GPC3: variants seen among roughly 807,000 people sequenced by gnomAD.
The protein encoded by GPC3 is glypican-3.
GPC3 carries 3 observed loss-of-function variants against 34.4 expected under a neutral mutation model. The observed-to-expected ratio is 0.09, with a 90% CI of 0.04 to 0.23. The LOEUF is 0.23. Among genes scored for constraint, GPC3 ranks in the 10% least tolerant of loss-of-function variants. The pLI is 1.00. For synonymous variants in GPC3, 177 were observed against 174.0 expected, an observed-to-expected ratio of 1.02 and a Z score of -0.13; for missense variants, 351 against 445.6, an observed-to-expected ratio of 0.79 and a Z score of 1.91.
intron 7 of GPC3, among the ~76,000 whole-genome samples, chrX:133,581,446 T>G (rs778515948): frequency 8.9e-6 from 1 of 112,133 alleles, no homozygotes; most frequent in African/African-American, 3.2e-5. Flanking sequence ...ATATATTGTC[T>G]TACCCAGTGG....
At chrX:133,855,528 A>AATATATATATATATAT (rs1965199507) in intron 2 of GPC3, among the ~76,000 whole-genome samples, 2 of 67,585 alleles carry the variant, frequency 3.0e-5, no homozygotes, top group African/African-American at 8.7e-5. Context: ...ATGCTGTTAC[A>AATATATATATATATAT]AGATATATAT....
intron 5 of GPC3, among the ~76,000 whole-genome samples, chrX:133,683,974 TAAAA>T (rs2070971093): frequency 8.9e-6 from 1 of 112,110 alleles, no homozygotes; most frequent in Admixed American, 9.5e-5. Context: ...TACCAGGATT[TAAAA>T]AAATTCTTAG....
chrX:133,878,442 A>G (rs2076027000), intron 2 of GPC3, among the ~76,000 whole-genome samples: 1 of 111,545 alleles, frequency 9.0e-6, no homozygotes, highest in Non-Finnish European at 1.9e-5. Flanking sequence ...AAAAAAAATC[A>G]TATTATCTTT....
At chrX:133,933,756 C>T (rs767533394) in intron 2 of GPC3, among the ~76,000 whole-genome samples, 1 of 110,810 alleles carries the variant, frequency 9.0e-6, no homozygotes, top group African/African-American at 3.3e-5. Flanking sequence ...GCTTCACCTT[C>T]CACCATGAGT....
At chrX:133,819,398 A>G (rs1171634272) in intron 2 of GPC3, among the ~76,000 whole-genome samples, 1 of 109,577 alleles carries the variant, frequency 9.1e-6, no homozygotes, top group African/African-American at 3.3e-5. Flanking sequence ...AATGACAGCA[A>G]TCTTTGACAT....
At chrX:133,762,849 C>G in intron 2 of GPC3, 1 of 534,149 alleles carries the variant, frequency 1.9e-6, no homozygotes, top group Non-Finnish European at 3.4e-6. Flanking sequence ...TCCTTAAGTT[C>G]CTTGCAGCAG....
At chrX:133,773,047 A>T (rs933444066) in intron 2 of GPC3, among the ~76,000 whole-genome samples, 1 of 110,436 alleles carries the variant, frequency 9.1e-6, no homozygotes, top group Non-Finnish European at 1.9e-5. Context: ...GGGGTAGAAA[A>T]TTTTTATTTT....
chrX:133,763,681 T>C, intron 2 of GPC3: 1 of 574,360 alleles, frequency 1.7e-6, no homozygotes, highest in Non-Finnish European at 3.0e-6. Context: ...TGGTTAGTCT[T>C]AAGCTGTTCT....
rs1484444935 is a variant in GPC3 at position 133,745,018 on chromosome X, G to T, written c.1032+8464C>A. Among the ~76,000 whole-genome samples, 3 of 110,772 alleles carry T rather than the reference G, an allele frequency of 2.7e-5. No individual in the cohort carries two copies. The Admixed American group carries it at 2.9e-4, about 11-fold the overall frequency. On this transcript the variant is annotated intron_variant, in intron 3 of 7. Coordinates refer to ENST00000370818, the MANE Select transcript of GPC3 (RefSeq NM_004484.4). ...CACACACCGGGGCCTGTCGGTGGGT[G>T]GGGGGTTGGGGAGGGATAGCATTAG...
chrX:133,851,775 C>T (rs763562163), intron 2 of GPC3, among the ~76,000 whole-genome samples: 17 of 112,159 alleles, frequency 1.5e-4, no homozygotes, highest in African/African-American at 5.5e-4. Flanking sequence ...ATTGTTTCTA[C>T]TGTAATCCAA....
At chrX:133,800,542 C>A (rs2075604164) in intron 2 of GPC3, among the ~76,000 whole-genome samples, 1 of 111,790 alleles carries the variant, frequency 8.9e-6, no homozygotes, top group Admixed American at 9.5e-5. Context: ...TGATGAGTAC[C>A]GTCAATCTAG....
chrX:133,675,539 C>T lies in GPC3; in HGVS notation c.1293-13689G>A, dbSNP rs1381743471. On this transcript the variant is annotated intron_variant, in intron 5 of 7. Transcript: ENST00000370818. Reference sequence around the variant, plus strand: ...ACTCCCTTACCCAGTACCTGGCACCCAGTACCCACTCAATAAATGTCTACT... The same window carrying T: ...ACTCCCTTACCCAGTACCTGGCACCTAGTACCCACTCAATAAATGTCTACT... Among the ~76,000 whole-genome samples the T allele has an allele frequency of 2.7e-5, 3 of 111,614 alleles. No individual in the cohort carries two copies. The Admixed American group carries it at 2.8e-4, about 11-fold the overall frequency.
intron 6 of GPC3, among the ~76,000 whole-genome samples, chrX:133,624,578 T>G (rs924296753): frequency 1.1e-4 from 12 of 111,876 alleles, no homozygotes; most frequent in African/African-American, 3.9e-4. Flanking sequence ...GAAAAATTCC[T>G]GGACACATAC....
intron 2 of GPC3, among the ~76,000 whole-genome samples, chrX:133,884,548 T>G: frequency 9.0e-6 from 1 of 111,661 alleles, no homozygotes; most frequent in Middle Eastern, 4.6e-3. Context: ...CCGTTTGAGA[T>G]AGTTATTACT....
intron 7 of GPC3, among the ~76,000 whole-genome samples, chrX:133,566,335 G>GGA (rs2069582412): frequency 8.9e-6 from 1 of 111,888 alleles, no homozygotes; most frequent in African/African-American, 3.3e-5. Flanking sequence ...ATGCAGCTCA[G>GGA]GAAATATCAT....
chrX:133,732,958 A>C (rs1483488236), intron 3 of GPC3, among the ~76,000 whole-genome samples: 1 of 110,550 alleles, frequency 9.0e-6, no homozygotes, highest in Non-Finnish European at 1.9e-5. Context: ...TCGACCCCCC[A>C]GCCTCAAGTG....
chrX:133,731,618 A>G (rs1423992375), intron 3 of GPC3, among the ~76,000 whole-genome samples: 1 of 111,105 alleles, frequency 9.0e-6, no homozygotes, highest in Non-Finnish European at 1.9e-5. Context: ...AGATGCTACA[A>G]AAGTACCCAC....
chrX:133,650,651 A>C (rs2070593125), intron 6 of GPC3, among the ~76,000 whole-genome samples: 1 of 111,349 alleles, frequency 9.0e-6, no homozygotes, highest in East Asian at 2.8e-4. Context: ...CAACACTCCA[A>C]ACTGGAAACG....
intron 1 of GPC3, among the ~76,000 whole-genome samples, chrX:133,959,598 C>A (rs1157145587): frequency 8.9e-6 from 1 of 112,594 alleles, no homozygotes; most frequent in Non-Finnish European, 1.9e-5. Context: ...GTTATTCAAC[C>A]TCTACCTAAC....
Sources: allele counts gnomAD v4.1 joint callset (sites outside exome capture counted in the v4.1 genomes callset), GRCh38; gene constraint gnomAD v4.1.1; transcripts MANE v1.5; gene names NCBI Gene and HGNC (gene_info 2026-07-23, HGNC 2026-07-21).